ASB14: variants seen among roughly 807,000 people sequenced by gnomAD.
The protein encoded by ASB14 is ankyrin repeat and SOCS box protein 14.
A neutral mutation model predicts 55.6 loss-of-function variants in ASB14; 63 were observed. The ratio of observed to expected loss-of-function variants is 1.13; its 90% CI spans 0.92 to 1.40. ASB14 has a LOEUF of 1.40. ASB14 is among the 40% of genes most tolerant of loss of function. The pLI is 0.00. For synonymous variants in ASB14, 256 were observed against 259.9 expected, an observed-to-expected ratio of 0.98 and a Z score of 0.15; for missense variants, 724 against 710.4, an observed-to-expected ratio of 1.02 and a Z score of -0.22.
intron 6 of ASB14, 145 bp downstream of exon 6, chr3:57,283,048 GT>G: frequency 5.1e-6 from 6 of 1,171,278 alleles, no homozygotes; most frequent in Non-Finnish European, 7.0e-6. Flanking sequence ...AGGCTTCTCA[GT>G]AATCACTATT....
Position 57,287,927 on chromosome 3 carries a change from A to G in ASB14, c.443T>C (p.Phe148Ser). 2.6e-6 allele frequency: 4 copies of G among 1,537,258 alleles called. No individual in the cohort carries two copies. Among genetic ancestry groups the G allele is most frequent in the Non-Finnish European group, 3.5e-6 (4 of 1,146,886 alleles). Residue 148 changes from phenylalanine (F) to serine (S), a missense_variant, in exon 5 of 11, where the codon TTC becomes TCC. Coordinates refer to ENST00000487349, the MANE Select transcript of ASB14 (RefSeq NM_001142733.3). The part of the protein sequence containing the change: ...LNGCNPNAKN[F>S]EGNSPLLAAV... ...TGCAAGAAGAGGAGAATTGCCTTCG[A>G]AATTCTTAGCATTTGGATTGCAGCC...
intron 10 of ASB14, among the ~76,000 whole-genome samples, chr3:57,276,040 A>C (rs185069264): frequency 6.6e-6 from 1 of 152,278 alleles, no homozygotes; most frequent in African/African-American, 2.4e-5. Flanking sequence ...TATCCTCTGA[A>C]GATAAGGGAG....
rs2061003011 is a variant in ASB14 at position 57,277,880 on chromosome 3, G to A, written c.1472C>T (p.Ser491Phe). The A allele has an allele frequency of 6.2e-7, 1 of 1,613,874 alleles. No individual in the cohort carries two copies. The highest frequency in any genetic ancestry group is 8.5e-7 in the Non-Finnish European group (1 of 1,179,868). Residue 491 changes from serine (S) to phenylalanine (F), a missense_variant, in exon 9 of 11, where the codon TCT becomes TTT. Physicochemically the swap from Ser to Phe is radical, Grantham distance 155 (BLOSUM62 -2). Transcript: ENST00000487349. ...AAGCATCACTCGAACAACCTTTCCA[G>A]AGAGATGTTGCAGCCATGACAAAGT... The part of the protein sequence containing the change: ...VITLSWLQHL[S>F]GKVVRVMLDY...
At position 57,288,257 on chromosome 3, in the gene ASB14, T is replaced by TA. The variant is rs1359240962; in HGVS notation, c.207_208insT (p.Lys70Ter). The TA allele has an allele frequency of 1.3e-6, 2 of 1,537,094 alleles. No homozygotes were observed. The highest frequency in any genetic ancestry group is 3.9e-5 in the Admixed American group (2 of 51,010). On this transcript the variant is annotated frameshift_variant, in exon 4 of 11. Coordinates refer to ENST00000487349, the MANE Select transcript of ASB14 (RefSeq NM_001142733.3). LOFTEE classifies it high-confidence loss of function. ...GCTTCACCAAATGCGGAATGGTACT[T>TA]GGTTAAGTGTGACAATGCATCTTCC...
chr3:57,288,162 G>A lies in ASB14; in HGVS notation c.303C>T (p.Thr101=). ...VQLNRKILEI[T]LSASDPSLWE... Reference sequence around the variant, plus strand: ...GAATCAAAGGGAATTTACCGCTTAGGGTTATTTCCAAAATTTTCCTATTTA... The same window carrying A: ...GAATCAAAGGGAATTTACCGCTTAGAGTTATTTCCAAAATTTTCCTATTTA... The change falls in exon 4 of 11, where the codon ACC becomes ACT. Residue 101 remains threonine, a synonymous_variant. Transcript: ENST00000487349. 6.5e-7 allele frequency: 1 copy of A among 1,537,056 alleles called. No homozygotes were observed. Among genetic ancestry groups the A allele is most frequent in the Non-Finnish European group, 8.7e-7 (1 of 1,146,732 alleles).
intron 3 of ASB14, 99 bp from the exon 4 acceptor site, chr3:57,288,385 C>T: frequency 1.0e-5 from 13 of 1,262,106 alleles, no homozygotes; most frequent in Non-Finnish European, 1.4e-5. Flanking sequence ...ATGCATAAGA[C>T]AACAGAATTC....
At chr3:57,275,086 C>T (rs1303906819) in intron 10 of ASB14, among the ~76,000 whole-genome samples, 1 of 152,194 alleles carries the variant, frequency 6.6e-6, no homozygotes, top group East Asian at 1.9e-4. Context: ...TCAGTCCAAT[C>T]ACTGAAATGT....
chr3:57,276,738 A>G lies in ASB14; in HGVS notation c.1586-10T>C, dbSNP rs745507743. On this transcript the variant is annotated splice_polypyrimidine_tract_variant and intron_variant, in intron 9 of 10. Coordinates refer to ENST00000487349, the MANE Select transcript of ASB14 (RefSeq NM_001142733.3). Reference sequence around the variant, plus strand: ...AGGGAGCGAGGGTTTGCTAAAAAGAAAAGGCACATTATCCAAAGAGAAAAA... The same window carrying G: ...AGGGAGCGAGGGTTTGCTAAAAAGAGAAGGCACATTATCCAAAGAGAAAAA... 32 of 1,601,146 alleles carry G rather than the reference A, an allele frequency of 2.0e-5. 2 individuals are homozygous for G. In the South Asian group the frequency reaches 3.2e-4, roughly 16 times the overall value.
chr3:57,287,766 G>A (rs1405773331), intron 5 of ASB14, 135 bp downstream of exon 5: 2 of 991,440 alleles, frequency 2.0e-6, no homozygotes, highest in Admixed American at 2.8e-5. Context: ...CTTCTGGAGG[G>A]TCGGTACCCA....
chr3:57,280,507 T>C, intron 6 of ASB14, 34 bp from the exon 7 acceptor site: 1 of 1,520,514 alleles, frequency 6.6e-7, no homozygotes, highest in Middle Eastern at 1.7e-4. Context: ...AATGCAAAAA[T>C]TATTTTCCAC....
intron 6 of ASB14, among the ~76,000 whole-genome samples, chr3:57,280,851 A>C (rs1490983952): frequency 6.6e-6 from 1 of 152,200 alleles, no homozygotes; most frequent in Non-Finnish European, 1.5e-5. Context: ...TCAAACTATA[A>C]TACCATGCCA....
At chr3:57,275,468 A>AAGT (rs1267762490) in intron 10 of ASB14, among the ~76,000 whole-genome samples, 1 of 151,482 alleles carries the variant, frequency 6.6e-6, no homozygotes, top group African/African-American at 2.4e-5. Flanking sequence ...AAAAAAAAAA[A>AAGT]AGTATTAAGA....
chr3:57,283,558 C>T (rs11130579), intron 5 of ASB14, 119 bp from the exon 6 acceptor site: 413,500 of 1,013,870 alleles, frequency 0.41, 94,062 homozygotes, highest in East Asian at 0.91. Context: ...CAGACCCGAA[C>T]ATTCTGTGTT....
At chr3:57,284,094 A>ATGTATG (rs1553640084) in intron 5 of ASB14, among the ~76,000 whole-genome samples, 3 of 136,546 alleles carry the variant, frequency 2.2e-5, no homozygotes, top group Admixed American at 7.6e-5. Flanking sequence ...AACACTGTGT[A>ATGTATG]TGTGTGTGTG....
At chr3:57,273,243 TAATCATGCAGTGTACAATTCAA>T (rs2107617733) in intron 10 of ASB14, 1 of 152,782 alleles carries the variant, frequency 6.5e-6, no homozygotes, top group South Asian at 2.1e-4. Context: ...CTGATACTAT[TAATCATGCAGTGTACAATTCAA>T]AATCATGCAA....
At chr3:57,272,036 T>TAGAA (rs2060944912) in intron 10 of ASB14, 1 of 152,246 alleles carries the variant, frequency 6.6e-6, no homozygotes. Context: ...AAATCCCTTC[T>TAGAA]AGTTCTGAGA....
chr3:57,278,715 A>T lies in ASB14; in HGVS notation c.1093T>A (p.Ser365Thr). 4 of 1,614,038 alleles carry T rather than the reference A, an allele frequency of 2.5e-6. No individual in the cohort carries two copies. The highest frequency in any genetic ancestry group is 3.4e-6 in the Non-Finnish European group (4 of 1,179,996). ...HRKSALYFAV[S>T]NSDLSSVKLL... ...TTGACTGAAGAGAGGTCACTGTTTG[A>T]TACAGCAAAATACAAAGCTGACTTC... Residue 365 changes from serine (S) to threonine (T), a missense_variant, in exon 8 of 11, where the codon TCA becomes ACA. Ser to Thr is a moderately conservative substitution (Grantham distance 58). Transcript: ENST00000487349.
At chr3:57,288,927 A>T in intron 3 of ASB14, 141 bp downstream of exon 3, 1 of 560,186 alleles carries the variant, frequency 1.8e-6, no homozygotes, top group Non-Finnish European at 3.1e-6. Flanking sequence ...CATGTTGGCC[A>T]GGCTGGTCTC....
rs570944041 is a variant in ASB14 at position 57,276,410 on chromosome 3, C to T, written c.*22+118G>A. On this transcript the variant is annotated intron_variant, in intron 10 of 10. Transcript: ENST00000487349. ...AAGCAATCCTCCTGCCTCAGCCTCC[C>T]AAGCAGAGCTACTTTTTAAAGGACT... 5.8e-4 allele frequency: 418 copies of T among 720,884 alleles called. 1 individual carries two copies. The highest frequency in any genetic ancestry group is 8.2e-4 in the Non-Finnish European group (374 of 458,858). The allele number at this position is 720,884 out of a possible 1,614,324, so 44.7% of individuals were successfully genotyped here. A position where few individuals can be genotyped will look rare whatever the true frequency, so the allele number is the denominator to read the frequency against.
Sources: gnomAD v4.1 joint callset for allele counts (sites outside exome capture counted in the v4.1 genomes callset) on GRCh38, gnomAD v4.1.1 for gene constraint, MANE v1.5 for transcripts, NCBI Gene and HGNC (gene_info 2026-07-23, HGNC 2026-07-21) for gene names.